HIVEP3: variants seen among roughly 807,000 people sequenced by gnomAD.
The protein encoded by HIVEP3 is HIVEP zinc finger 3.
Under a neutral mutation model 152.8 loss-of-function variants are expected in HIVEP3, and 49 were observed. That is an observed-to-expected ratio of 0.32 (90% CI 0.26 to 0.41). The LOEUF (loss-of-function observed/expected upper bound fraction) is 0.41, where lower values mean the gene tolerates loss of function less well. Among genes scored for constraint, HIVEP3 ranks in the 10% least tolerant of loss-of-function variants. The pLI, the probability that HIVEP3 is intolerant of heterozygous loss-of-function variation, is 1.00. For missense variants in HIVEP3, 2,790 were observed against 3,103.3 expected, an observed-to-expected ratio of 0.90 and a Z score of 2.40; for synonymous variants, 1,269 against 1,289.0, an observed-to-expected ratio of 0.98 and a Z score of 0.33.
chr1:41,885,625 T>C (rs1213090011), intron 1 of HIVEP3, among the ~76,000 whole-genome samples: 2 of 152,186 alleles, frequency 1.3e-5, no homozygotes, highest in Non-Finnish European at 2.9e-5. Context: ...AGATCACCTC[T>C]GCACTCCAGC....
intron 4 of HIVEP3, among the ~76,000 whole-genome samples, chr1:41,576,255 G>C: frequency 6.6e-6 from 1 of 152,206 alleles, no homozygotes; most frequent in East Asian, 1.9e-4. Flanking sequence ...CCAGGAGCTG[G>C]GCTGAGGACC....
chr1:41,791,527 A>G (rs1649695757), intron 1 of HIVEP3, among the ~76,000 whole-genome samples: 1 of 152,136 alleles, frequency 6.6e-6, no homozygotes, highest in Non-Finnish European at 1.5e-5. Context: ...CTGGTGCTCC[A>G]GCAGCCATCT....
chr1:41,971,783 A>G (rs1033377444), intron 1 of HIVEP3, among the ~76,000 whole-genome samples: 2 of 152,140 alleles, frequency 1.3e-5, no homozygotes, highest in Non-Finnish European at 2.9e-5. Context: ...TTAACCCCCA[A>G]TATAACAGTA....
chr1:41,701,152 A>G lies in HIVEP3; in HGVS notation c.-800-157T>C, dbSNP rs1283861140. Among the ~76,000 whole-genome samples, 3 of 152,328 alleles carry G rather than the reference A, an allele frequency of 2.0e-5. No individual in the cohort carries two copies. In the East Asian group the frequency reaches 5.8e-4, roughly 29 times the overall value. On this transcript the variant is annotated intron_variant, in intron 1 of 8. Coordinates refer to ENST00000372583, the MANE Select transcript of HIVEP3 (RefSeq NM_024503.5). ...CTAACATGGTTATGACGAGGTCAAG[A>G]TCAGGTCCCTGCGGATGAAACCACA...
At chr1:41,912,881 C>T (rs1326814037) in intron 1 of HIVEP3, among the ~76,000 whole-genome samples, 1 of 152,196 alleles carries the variant, frequency 6.6e-6, no homozygotes, top group Admixed American at 6.5e-5. Flanking sequence ...CACACATGTG[C>T]AATTTTTTAG....
rs1359459699 is a variant in HIVEP3, at chr1:41,582,562, C to A, written c.2236G>T (p.Ala746Ser). 2.5e-6 allele frequency: 4 copies of A among 1,611,734 alleles called. No individual in the cohort carries two copies. Among genetic ancestry groups the A allele is most frequent in the Admixed American group, 3.3e-5 (2 of 59,824 alleles). ...QFGSPGPSDAARNLPLESTKS... is the reference protein window; with the variant it reads ...QFGSPGPSDASRNLPLESTKS... ...GTGGACTCCAGGGGAAGGTTCCGAG[C>A]AGCATCAGATGGCCCGGGGCTGCCA... is the stretch of plus-strand genomic sequence containing the variant. Residue 746 changes from alanine (A) to serine (S), a missense_variant, in exon 4 of 9, where the codon GCT (alanine) becomes TCT (serine). By Grantham distance (99) the Ala-to-Ser change is moderately conservative. This residue lies in a region of HIVEP3 where 339 missense variants were observed against 327.0 expected (regional missense o/e 1.04). Transcript: ENST00000372583. This position sits in a 1 kb window ranked among gnomAD's most constrained non-coding sequence, Gnocchi z 4.7.
At chr1:41,638,076 G>C (rs1015145133) in intron 2 of HIVEP3, among the ~76,000 whole-genome samples, 1 of 152,162 alleles carries the variant, frequency 6.6e-6, no homozygotes, top group Admixed American at 6.5e-5. Context: ...GGAAGGGTAA[G>C]GGATGAGAAA....
intron 1 of HIVEP3, among the ~76,000 whole-genome samples, chr1:41,883,863 GC>G (rs1644301156): frequency 6.6e-6 from 1 of 152,156 alleles, no homozygotes; most frequent in African/African-American, 2.4e-5. Context: ...ACATACTTAA[GC>G]TAGAAAATTT....
intron 1 of HIVEP3, among the ~76,000 whole-genome samples, chr1:41,955,852 T>G (rs1470027058): frequency 6.6e-6 from 1 of 152,232 alleles, no homozygotes; most frequent in Non-Finnish European, 1.5e-5. Context: ...CAGGAATGAC[T>G]CACGGGTTAG....
chr1:41,697,499 G>C (rs1487086135), intron 2 of HIVEP3, among the ~76,000 whole-genome samples: 4 of 152,214 alleles, frequency 2.6e-5, no homozygotes, highest in African/African-American at 9.7e-5. Flanking sequence ...GGGAACCTTT[G>C]AGAGGATGGG....
intron 2 of HIVEP3, among the ~76,000 whole-genome samples, chr1:41,691,385 A>G (rs1232266561): frequency 2.6e-5 from 4 of 152,226 alleles, no homozygotes; most frequent in Admixed American, 6.5e-5. Context: ...TGACATGACC[A>G]TCTGCTATGG....
intron 1 of HIVEP3, among the ~76,000 whole-genome samples, chr1:41,929,726 TTATA>T (rs55663663): frequency 1.3e-4 from 15 of 112,812 alleles, no homozygotes; most frequent in Admixed American, 6.6e-4. Context: ...ATATGTGTTT[TTATA>T]TATATATATA....
At chr1:41,932,935 T>C (rs888926336) in intron 1 of HIVEP3, among the ~76,000 whole-genome samples, 1 of 151,920 alleles carries the variant, frequency 6.6e-6, no homozygotes, top group African/African-American at 2.4e-5. Context: ...TGACATATGG[T>C]TTATTTAGAT....
intron 1 of HIVEP3, among the ~76,000 whole-genome samples, chr1:41,940,608 T>C (rs1448088375): frequency 1.3e-5 from 2 of 152,096 alleles, no homozygotes; most frequent in Non-Finnish European, 2.9e-5. Flanking sequence ...AGGAGAGTGA[T>C]CCCAAACACA....
At chr1:42,013,582 G>A (rs1645505249) in intron 1 of HIVEP3, among the ~76,000 whole-genome samples, 1 of 152,164 alleles carries the variant, frequency 6.6e-6, no homozygotes, top group African/African-American at 2.4e-5. Context: ...ACAGAATAAG[G>A]GGAGGGCCAT....
At chr1:41,932,250 T>C (rs1251177140) in intron 1 of HIVEP3, among the ~76,000 whole-genome samples, 1 of 151,896 alleles carries the variant, frequency 6.6e-6, no homozygotes, top group Non-Finnish European at 1.5e-5. Context: ...TTTAATTTCA[T>C]TGGTTGATTT....
chr1:41,870,493 G>A (rs779849285), intron 1 of HIVEP3, among the ~76,000 whole-genome samples: 4 of 152,126 alleles, frequency 2.6e-5, no homozygotes, highest in East Asian at 1.9e-4. Flanking sequence ...GACACAGTAC[G>A]TGCAACATGG....
At chr1:41,525,031 C>A (rs1642860408) in intron 5 of HIVEP3, 121 bp from the exon 6 acceptor site, 3 of 945,720 alleles carry the variant, frequency 3.2e-6, no homozygotes, top group Admixed American at 4.8e-5. Flanking sequence ...GAATGGAGGC[C>A]ACGGAACCAG....
In HIVEP3 at chr1:41,598,806, GTTATTTAT is replaced by G. The variant is rs10655770; in HGVS notation, c.-521-13496_-521-13489del. Reference sequence around the variant, plus strand: ...ACTCCCACACATACAGTCACATGATGTTATTTATTTATTTATTTATTTATTTAGGGACA... The same window carrying G: ...ACTCCCACACATACAGTCACATGATGTTATTTATTTATTTATTTAGGGACA... On this transcript the variant is annotated intron_variant, in intron 3 of 8. Transcript: ENST00000372583. 3.4e-5 allele frequency among the ~76,000 whole-genome samples: 5 copies of G among 147,124 alleles called. No individual in the cohort carries two copies. The East Asian group carries it at 6.0e-4, about 18-fold the overall frequency.
Sources: gnomAD v4.1 joint callset for allele counts (sites outside exome capture counted in the v4.1 genomes callset) on GRCh38, gnomAD v4.1.1 for gene constraint, gnomAD v4.1.1 regional missense constraint, Gnocchi (gnomAD v3.1) non-coding constraint, MANE v1.5 for transcripts, NCBI Gene and HGNC (gene_info 2026-07-23, HGNC 2026-07-21) for gene names.